The following HTT variants were observed in gnomAD, a reference collection of about 807,000 sequenced individuals.
The protein encoded by HTT is huntington disease protein.
In HTT, 104 loss-of-function variants were observed where a neutral mutation model predicts 362.3. That is an observed-to-expected ratio of 0.29 (90% confidence interval 0.24 to 0.34). The LOEUF (loss-of-function observed/expected upper bound fraction) is 0.34. Among genes scored for constraint, HTT ranks in the 10% least tolerant of loss-of-function variants. The pLI, the probability that HTT is intolerant of heterozygous loss-of-function variation, is 1.00. For missense variants in HTT, 3,301 were observed against 3,928.6 expected, an observed-to-expected ratio of 0.84 and a Z score of 4.27; for synonymous variants, 1,577 against 1,548.7, an observed-to-expected ratio of 1.02 and a Z score of -0.43.
At chr4:3,145,745 T>C (rs1470744915) in intron 24 of HTT, among the ~76,000 whole-genome samples, 1 of 152,216 alleles carries the variant, frequency 6.6e-6, no homozygotes, top group African/African-American at 2.4e-5. Flanking sequence ...GTGTATCAAT[T>C]ACTGAGAATG....
chr4:3,184,067 C>T (rs903122839), intron 37 of HTT, among the ~76,000 whole-genome samples: 1 of 151,692 alleles, frequency 6.6e-6, no homozygotes, highest in Non-Finnish European at 1.5e-5. Flanking sequence ...TGATCAGGAA[C>T]ACCGTACAGA....
intron 26 of HTT, among the ~76,000 whole-genome samples, chr4:3,149,583 C>T (rs1047087376): frequency 2.3e-5 from 3 of 131,300 alleles, no homozygotes; most frequent in Admixed American, 7.1e-5. Flanking sequence ...GTTGGGATTA[C>T]GGGCATGAGC....
intron 34 of HTT, among the ~76,000 whole-genome samples, chr4:3,178,073 G>T (rs930888301): frequency 3.3e-5 from 5 of 152,198 alleles, no homozygotes; most frequent in African/African-American, 1.2e-4. Context: ...GTGCCGTCGG[G>T]TGCCTTCTAC....
intron 33 of HTT, among the ~76,000 whole-genome samples, chr4:3,176,749 A>AT (rs763161239): frequency 1.3e-5 from 2 of 152,254 alleles, no homozygotes; most frequent in East Asian, 3.8e-4. Flanking sequence ...CAGACAAACC[A>AT]TTGAACTCTA....
At chr4:3,179,715 A>G (rs1472556845) in intron 35 of HTT, among the ~76,000 whole-genome samples, 9 of 130,636 alleles carry the variant, frequency 6.9e-5, no homozygotes, top group South Asian at 2.6e-4. Flanking sequence ...ATGTGTGTGC[A>G]TACGTGTCAC....
At chr4:3,111,171 C>T (rs1349480661) in intron 6 of HTT, among the ~76,000 whole-genome samples, 2 of 151,872 alleles carry the variant, frequency 1.3e-5, no homozygotes, top group Non-Finnish European at 2.9e-5. Flanking sequence ...GTATGCACCA[C>T]CACGTCCAGC....
At chr4:3,110,963 G>C (rs978639847) in intron 6 of HTT, among the ~76,000 whole-genome samples, 1 of 151,702 alleles carries the variant, frequency 6.6e-6, no homozygotes, top group Non-Finnish European at 1.5e-5. Flanking sequence ...TCTTTTTCTG[G>C]TACTTTTTAG....
At chr4:3,123,045 AT>A in intron 10 of HTT, 109 bp downstream of exon 10, 1 of 758,074 alleles carries the variant, frequency 1.3e-6, no homozygotes, top group South Asian at 2.2e-5. Flanking sequence ...GACTCTGTGT[AT>A]ATCTCTTCTC....
At chr4:3,121,175 T>A (rs972401170) in intron 8 of HTT, 53 bp from the exon 9 acceptor site, 1 of 1,354,574 alleles carries the variant, frequency 7.4e-7, no homozygotes, top group South Asian at 1.2e-5. Flanking sequence ...AAGTGAAGCT[T>A]AGGATGCATT....
chr4:3,224,270 C>T (rs1720807406), intron 56 of HTT, 139 bp downstream of exon 56: 2 of 820,620 alleles, frequency 2.4e-6, no homozygotes, highest in Non-Finnish European at 3.9e-6. Flanking sequence ...TACGCTGCCC[C>T]TTTCATAAGC....
chr4:3,206,755 A>C lies in HTT; in HGVS notation c.5899-52A>C. The C allele has an allele frequency of 6.3e-7, 1 of 1,587,482 alleles. No homozygotes were observed. The highest frequency in any genetic ancestry group is 8.6e-7 in the Non-Finnish European group (1 of 1,164,820). The stretch of plus-strand genomic sequence containing the variant: ...TGGAGTATTGAAATTTTTAACTTTA[A>C]TTTCTGATTTGCAAAATAGTCATCT... On this transcript the variant is annotated intron_variant, in intron 43 of 66. Coordinates refer to ENST00000355072, the MANE Select transcript of HTT (RefSeq NM_001388492.1). This position sits in a 1 kb window ranked among gnomAD's most constrained non-coding sequence, Gnocchi z 4.6.
chr4:3,143,436 C>CA (rs1056047426), intron 23 of HTT, among the ~76,000 whole-genome samples: 25,520 of 69,710 alleles, frequency 0.37, 4,328 homozygotes, highest in East Asian at 0.46. Context: ...GACTCTGTCT[C>CA]AAAAAAAAAA....
At chr4:3,096,697 G>T (rs1713873754) in intron 2 of HTT, among the ~76,000 whole-genome samples, 1 of 152,334 alleles carries the variant, frequency 6.6e-6, no homozygotes, top group East Asian at 1.9e-4. Flanking sequence ...AACTTGTGGG[G>T]TGCTGTTACA....
intron 40 of HTT, among the ~76,000 whole-genome samples, chr4:3,197,225 C>T (rs572635650): frequency 5.3e-5 from 8 of 152,124 alleles, no homozygotes; most frequent in South Asian, 4.2e-4. Context: ...TTGGTAGGTC[C>T]ATCCCCTTTG....
chr4:3,241,514 G>C lies in HTT; in HGVS notation c.*1455G>C, dbSNP rs770083840. 2.6e-5 allele frequency: 4 copies of C among 152,346 alleles called. No homozygotes were observed. The highest frequency in any genetic ancestry group is 9.6e-5 in the African/African-American group (4 of 41,462). The allele number at this position is 152,346 out of a possible 1,614,324, so 9.4% of individuals were successfully genotyped here. On this transcript the variant is annotated 3_prime_UTR_variant, in exon 67 of 67. Transcript: ENST00000355072. ...GCCGACTGGCTGTGAGACGAGGCAG[G>C]GGCTCTGCTTCCTCAGCCCTAGAGG...
intron 29 of HTT, among the ~76,000 whole-genome samples, chr4:3,168,871 G>A (rs752436418): frequency 1.3e-5 from 2 of 152,030 alleles, no homozygotes; most frequent in Non-Finnish European, 2.9e-5. Context: ...ACTTTATACT[G>A]TCTGTTTTGG....
intron 60 of HTT, among the ~76,000 whole-genome samples, chr4:3,232,743 A>G (rs562018931): frequency 6.6e-6 from 1 of 152,344 alleles, no homozygotes; most frequent in East Asian, 1.9e-4. Flanking sequence ...GTCGTGCAGG[A>G]CGCACTTAAC....
At position 3,229,025 on chromosome 4, in the gene HTT, C is replaced by A; in HGVS notation, c.8109+16C>A. 1 of 1,608,000 alleles carries A rather than the reference C, an allele frequency of 6.2e-7. No individual in the cohort carries two copies. The highest frequency in any genetic ancestry group is 1.1e-5 in the South Asian group (1 of 90,896). On this transcript the variant is annotated intron_variant, in intron 59 of 66. Coordinates refer to ENST00000355072, the MANE Select transcript of HTT (RefSeq NM_001388492.1). Reference sequence around the variant, plus strand: ...GGTCAGATCCGTAAGTGAGCCTTCCCATTCCCCTCACACCTGCACGTGCCA... The same window carrying A: ...GGTCAGATCCGTAAGTGAGCCTTCCAATTCCCCTCACACCTGCACGTGCCA...
At chr4:3,225,819 A>G (rs1010145755) in intron 57 of HTT, 76 bp downstream of exon 57, 1 of 996,700 alleles carries the variant, frequency 1.0e-6, no homozygotes. Flanking sequence ...CACCCAGGAG[A>G]AAAGCTCAGT....
Sources: gnomAD v4.1 joint callset for allele counts (sites outside exome capture counted in the v4.1 genomes callset) on GRCh38, gnomAD v4.1.1 for gene constraint, Gnocchi (gnomAD v3.1) non-coding constraint, MANE v1.5 for transcripts, NCBI Gene and HGNC (gene_info 2026-07-23, HGNC 2026-07-21) for gene names.